The following PMEPA1 variants were observed in gnomAD, a reference collection of about 807,000 sequenced individuals.
PMEPA1 encodes prostate transmembrane protein, androgen induced 1.
A neutral mutation model predicts 23.0 loss-of-function variants in PMEPA1; 11 were observed. The ratio of observed to expected loss-of-function variants is 0.48; its 90% confidence interval spans 0.30 to 0.79. The LOEUF is 0.79. Ranked by LOEUF, PMEPA1 falls within the 30% of genes least tolerant of loss-of-function variation. The pLI, the probability that PMEPA1 is intolerant of heterozygous loss-of-function variation, is 0.06. For synonymous variants in PMEPA1, 204 were observed against 166.4 expected (o/e 1.23, Z -1.74); for missense variants, 377 against 390.9 (o/e 0.96, Z 0.30).
intron 1 of PMEPA1, among the ~76,000 whole-genome samples, chr20:57,698,204 G>A (rs767292290): frequency 2.1e-4 from 32 of 152,126 alleles, no homozygotes; most frequent in Non-Finnish European, 3.7e-4. Context: ...CTATCCTAAC[G>A]ATCAACAGCA....
chr20:57,669,392 C>T (rs143429174), intron 1 of PMEPA1, among the ~76,000 whole-genome samples: 2 of 152,134 alleles, frequency 1.3e-5, no homozygotes, highest in South Asian at 4.2e-4. Flanking sequence ...AACTCCTGAC[C>T]TCAAGGGATC....
rs1221175999 is a variant in PMEPA1, at chr20:57,655,432, A to G, written c.265-2346T>C. On this transcript the variant is annotated intron_variant, in intron 2 of 3. Coordinates refer to ENST00000341744, the MANE Select transcript of PMEPA1 (RefSeq NM_020182.5). This position sits in a 1 kb window ranked among gnomAD's most constrained non-coding sequence, Gnocchi z 4.2. Reference sequence around the variant, plus strand: ...CTGCAGGAGCTGCTACCGTTTCCCCAGTGCCAGGCGCCGGCGTGCTATGCA... The same window carrying G: ...CTGCAGGAGCTGCTACCGTTTCCCCGGTGCCAGGCGCCGGCGTGCTATGCA... 6.6e-6 allele frequency among the ~76,000 whole-genome samples: 1 copy of G among 152,178 alleles called. No individual in the cohort carries two copies. Among genetic ancestry groups the G allele is most frequent in the Non-Finnish European group, 1.5e-5 (1 of 68,040 alleles).
At chr20:57,659,904 G>C (rs1048288433) in intron 1 of PMEPA1, among the ~76,000 whole-genome samples, 3 of 152,248 alleles carry the variant, frequency 2.0e-5, no homozygotes, top group African/African-American at 7.2e-5. Context: ...GGCGGAGGAG[G>C]GGGTACTGCT....
At chr20:57,676,736 A>G (rs1374238468) in intron 1 of PMEPA1, among the ~76,000 whole-genome samples, 1 of 152,206 alleles carries the variant, frequency 6.6e-6, no homozygotes, top group East Asian at 1.9e-4. Context: ...CCATGACGAG[A>G]GGCCTCCTTG....
intron 1 of PMEPA1, among the ~76,000 whole-genome samples, chr20:57,665,904 A>C (rs980977278): frequency 2.6e-5 from 4 of 152,102 alleles, no homozygotes; most frequent in Non-Finnish European, 5.9e-5. Context: ...CCTTGCGGGG[A>C]GGCACCTTTC....
chr20:57,689,006 C>G (rs536060798), intron 1 of PMEPA1, among the ~76,000 whole-genome samples: 2 of 152,370 alleles, frequency 1.3e-5, no homozygotes, highest in African/African-American at 4.8e-5. Context: ...GCAGCCCGCC[C>G]CAGACTTATT....
intron 1 of PMEPA1, among the ~76,000 whole-genome samples, chr20:57,688,984 C>G (rs1016277440): frequency 6.6e-6 from 1 of 152,222 alleles, no homozygotes; most frequent in East Asian, 1.9e-4. Flanking sequence ...TCTGGGCCTT[C>G]GATCCCCGCT....
intron 1 of PMEPA1, 67 bp from the exon 2 acceptor site, chr20:57,659,764 C>G: frequency 6.8e-7 from 1 of 1,467,770 alleles, no homozygotes; most frequent in Non-Finnish European, 9.3e-7. Context: ...AGGGCTCAGC[C>G]CTTTTGAGCT....
chr20:57,680,035 G>A (rs769108985), intron 1 of PMEPA1, among the ~76,000 whole-genome samples: 5 of 152,210 alleles, frequency 3.3e-5, no homozygotes, highest in Non-Finnish European at 5.9e-5. Context: ...CTGTGACCTT[G>A]ACCATCTTTG....
At chr20:57,667,341 C>T (rs1169359509) in intron 1 of PMEPA1, among the ~76,000 whole-genome samples, 1 of 152,112 alleles carries the variant, frequency 6.6e-6, no homozygotes, top group African/African-American at 2.4e-5. Flanking sequence ...GGGAGAGGGT[C>T]GCTGGAAAAT....
rs6015052 is a variant in PMEPA1 at position 57,653,199 on chromosome 20, G to A, written c.265-113C>T. Reference sequence around the variant, plus strand: ...TACCCTGGAATCAGCTCTTGAACCCGCCCACCTCTCTGCATCGGAACCAGC... The same window carrying A: ...TACCCTGGAATCAGCTCTTGAACCCACCCACCTCTCTGCATCGGAACCAGC... On this transcript the variant is annotated intron_variant, in intron 2 of 3. Transcript: ENST00000341744. The A allele has an allele frequency of 1.8e-4, 160 of 869,372 alleles. No homozygotes were observed. In the African/African-American group the frequency reaches 2.1e-3, roughly 12 times the overall value. 53.9% of individuals were successfully genotyped at this position (869,372 alleles called of 1,614,324 possible). A position where few individuals can be genotyped will look rare whatever the true frequency, so the allele number is the denominator to read the frequency against.
intron 1 of PMEPA1, among the ~76,000 whole-genome samples, chr20:57,669,289 T>C (rs562706884): frequency 1.3e-5 from 2 of 152,204 alleles, no homozygotes; most frequent in Admixed American, 6.5e-5. Flanking sequence ...GCCTCCCAAG[T>C]AGCTGGGACT....
chr20:57,710,735 C>G (rs1302449418), upstream of PMEPA1: 2 of 458,718 alleles, frequency 4.4e-6, no homozygotes, highest in African/African-American at 2.0e-5. Flanking sequence ...CTGCGGAGTT[C>G]AAAAGGGGTA....
At position 57,659,653 on chromosome 20, in the gene PMEPA1, T is replaced by C. The variant is rs1260532648; in HGVS notation, c.154A>G (p.Met52Val). 3 of 1,607,092 alleles carry C rather than the reference T, an allele frequency of 1.9e-6. No homozygotes were observed. The African/African-American group carries it at 4.0e-5, about 22-fold the overall frequency. Residue 52 changes from methionine (M) to valine (V), a missense_variant, in exon 2 of 4, where the codon ATG (methionine) becomes GTG (valine). Physicochemically the swap from Met to Val is conservative, Grantham distance 21. This residue lies in a region of PMEPA1 where 198 missense variants were observed against 196.3 expected (regional missense o/e 1.01). Coordinates refer to ENST00000341744, the MANE Select transcript of PMEPA1 (RefSeq NM_020182.5). ...VQIIIIVVVM[M>V]VMVVVITCLL... ...CACGTGATCACCACCACCATCACCA[T>C]CATCACCACCACGATGATGATGATC... is the stretch of plus-strand genomic sequence containing the variant.
chr20:57,699,243 G>C (rs1392224987), intron 1 of PMEPA1, among the ~76,000 whole-genome samples: 1 of 152,150 alleles, frequency 6.6e-6, no homozygotes, highest in African/African-American at 2.4e-5. Flanking sequence ...GCCAACCTGA[G>C]CTCCGCCCAG....
chr20:57,681,367 G>A (rs1380443700), intron 1 of PMEPA1, among the ~76,000 whole-genome samples: 1 of 152,128 alleles, frequency 6.6e-6, no homozygotes, highest in Non-Finnish European at 1.5e-5. Flanking sequence ...TCCTGCCAGG[G>A]AGGGAGCCCT....
upstream of PMEPA1, chr20:57,710,064 G>A: frequency 1.0e-6 from 1 of 990,110 alleles, no homozygotes. Context: ...GGGCCGGGGA[G>A]GGGGCGCGCG....
chr20:57,667,116 T>C (rs936158271), intron 1 of PMEPA1, among the ~76,000 whole-genome samples: 6 of 152,142 alleles, frequency 3.9e-5, no homozygotes, highest in African/African-American at 1.4e-4. Flanking sequence ...AGCTGTGTCT[T>C]TGGTGCAGTC....
rs2072138944 is a variant in PMEPA1, at chr20:57,709,600, G to T, written c.-18C>A. 1 of 992,424 alleles carries T rather than the reference G, an allele frequency of 1.0e-6. No individual in the cohort carries two copies. Among genetic ancestry groups the T allele is most frequent in the South Asian group, 4.5e-5 (1 of 22,010 alleles). 61.5% of individuals were successfully genotyped at this position (992,424 alleles called of 1,614,324 possible). A position where few individuals can be genotyped will look rare whatever the true frequency, so the allele number is the denominator to read the frequency against. On this transcript the variant is annotated 5_prime_UTR_variant, in exon 1 of 4. Coordinates refer to ENST00000341744, the MANE Select transcript of PMEPA1 (RefSeq NM_020182.5). The stretch of plus-strand genomic sequence containing the variant: ...CGGTGCATGGACGGCGCGGCGGCGC[G>T]GCGCGGGGCGCGGGGGGCTCGGGGG...
Sources: allele counts gnomAD v4.1 joint callset (sites outside exome capture counted in the v4.1 genomes callset), GRCh38; gene constraint gnomAD v4.1.1; regional missense constraint gnomAD v4.1.1; non-coding constraint Gnocchi (gnomAD v3.1); transcripts MANE v1.5; gene names NCBI Gene and HGNC (gene_info 2026-07-23, HGNC 2026-07-21).